Variants in MIOS observed in about 807,000 individuals in gnomAD.
MIOS encodes meiosis regulator for oocyte development, also known as GATOR2 complex protein MIOS.
MIOS carries 52 observed loss-of-function variants against 96.9 expected under a neutral mutation model. The ratio of observed to expected loss-of-function variants is 0.54; its 90% CI spans 0.43 to 0.68. The LOEUF (loss-of-function observed/expected upper bound fraction) is 0.68, where lower values mean the gene tolerates loss of function less well. Ranked by LOEUF, MIOS falls within the 30% of genes least tolerant of loss-of-function variation. MIOS has a pLI of 0.00. For missense variants in MIOS, 1,005 were observed against 1,052.8 expected, an observed-to-expected ratio of 0.95 and a Z score of 0.63; for synonymous variants, 397 against 359.5, an observed-to-expected ratio of 1.10 and a Z score of -1.18.
Position 7,606,066 on chromosome 7 carries a change from G to A in MIOS, c.2526G>A (p.Trp842Ter). Reference protein sequence around the residue: ...HGGHAGHMLSWFRDHAECPVS... With the variant: ...HGGHAGHMLS ...GACATGCTGGACATATGCTTAGTTG[G>A]TTCAGGTAATCAGCACATTTCTTCT... The change falls in exon 12 of 13, where the codon TGG becomes TGA. Residue 842 changes from tryptophan (W) to a stop codon, truncating the protein, a stop_gained. Transcript: ENST00000340080. LOFTEE classifies it high-confidence loss of function. The A allele has an allele frequency of 6.2e-7, 1 of 1,613,546 alleles. No homozygotes were observed. The highest frequency in any genetic ancestry group is 1.1e-5 in the South Asian group (1 of 91,018).
At chr7:7,581,817 CTG>C (rs1220985827) in intron 5 of MIOS, 3 of 152,222 alleles carry the variant, frequency 2.0e-5, no homozygotes, top group African/African-American at 7.2e-5. Flanking sequence ...TACCTCGAGA[CTG>C]TCTTTCAAAG....
intron 5 of MIOS, among the ~76,000 whole-genome samples, chr7:7,575,182 A>C (rs1478394884): frequency 1.3e-5 from 2 of 152,152 alleles, no homozygotes; most frequent in East Asian, 3.8e-4. Context: ...ATTTAGTCAA[A>C]GAGCAGTAAT....
intron 12 of MIOS, 72 bp from the exon 13 acceptor site, chr7:7,606,924 A>T (rs1184207840): frequency 2.0e-5 from 25 of 1,228,876 alleles, no homozygotes; most frequent in Admixed American, 4.1e-5. Flanking sequence ...TGTCTCTTAA[A>T]AAATAAATAA....
chr7:7,607,940 T>A lies in MIOS; in HGVS notation c.*848T>A, dbSNP rs1365614959. 6.6e-6 allele frequency: 1 copy of A among 152,184 alleles called. No homozygotes were observed. Among genetic ancestry groups the A allele is most frequent in the Non-Finnish European group, 1.5e-5 (1 of 68,026 alleles). 9.4% of individuals were successfully genotyped at this position (152,184 alleles called of 1,614,324 possible). ...TCCTCATCACCTGAGAACATTTTACTGCATACAAAGTCTATGCAAGATTAT... is the reference window on the plus strand; with the variant it reads ...TCCTCATCACCTGAGAACATTTTACAGCATACAAAGTCTATGCAAGATTAT... On this transcript the variant is annotated 3_prime_UTR_variant, in exon 13 of 13. Transcript: ENST00000340080.
rs775304759 is a variant in MIOS, at chr7:7,606,005, A to G, written c.2465A>G (p.Asn822Ser). Residue 822 changes from asparagine (N) to serine (S), a missense_variant, in exon 12 of 13, where the codon AAC (asparagine) becomes AGC (serine). By Grantham distance (46) the Asn-to-Ser change is conservative. Around this residue, in one of 3 missense-constraint regions of MIOS, gnomAD observed 865 missense variants for 887.9 expected, o/e 0.97. Transcript: ENST00000340080. ...GACAAAAAATTAGCCCAATTTAACA[A>G]CTGGTTTACATGGTGTCATAATTGC... is the stretch of plus-strand genomic sequence containing the variant. The part of the protein sequence containing the change: ...SKDKKLAQFN[N>S]WFTWCHNCRH... The G allele has an allele frequency of 2.0e-5, 33 of 1,613,944 alleles. No individual in the cohort carries two copies. In the East Asian group the frequency reaches 5.1e-4, roughly 25 times the overall value.
chr7:7,577,219 A>C (rs1783563957), intron 5 of MIOS, among the ~76,000 whole-genome samples: 1 of 152,316 alleles, frequency 6.6e-6, no homozygotes, highest in Middle Eastern at 3.4e-3. Flanking sequence ...GTACCAACCT[A>C]GTATACATTC....
chr7:7,586,154 ACG>A, intron 7 of MIOS, among the ~76,000 whole-genome samples: 1 of 80,264 alleles, frequency 1.2e-5, no homozygotes. Context: ...GCACACATGC[ACG>A]TGTGTGTGTG....
At chr7:7,589,230 A>G (rs916378346) in intron 8 of MIOS, among the ~76,000 whole-genome samples, 175 bp from the exon 9 acceptor site, 3 of 152,174 alleles carry the variant, frequency 2.0e-5, no homozygotes, top group Non-Finnish European at 2.9e-5. Flanking sequence ...GATTATGGAT[A>G]TTGCTTTGAA....
chr7:7,600,231 C>T (rs1368737862), intron 11 of MIOS, among the ~76,000 whole-genome samples: 1 of 151,282 alleles, frequency 6.6e-6, no homozygotes, highest in East Asian at 1.9e-4. Flanking sequence ...TCAGAAAAGT[C>T]CATTTCCAAA....
intron 11 of MIOS, among the ~76,000 whole-genome samples, chr7:7,599,347 T>G (rs9640045): frequency 3.9e-5 from 6 of 152,130 alleles, no homozygotes; most frequent in African/African-American, 1.4e-4. Context: ...TGCTACTTTT[T>G]TCTAAAATCC....
In MIOS at chr7:7,572,964, T is replaced by G. The variant is rs754091305; in HGVS notation, c.489T>G (p.Leu163=). The G allele has an allele frequency of 7.2e-5, 116 of 1,614,004 alleles. 1 individual carries two copies. Among genetic ancestry groups the G allele is most frequent in the Non-Finnish European group, 9.6e-5 (113 of 1,180,010 alleles). The part of the protein sequence containing the change: ...PDIVPMEKVK[L]SAGETETTLL... ...TAGTTCCCATGGAAAAAGTGAAACT[T>G]TCAGCAGGTGAAACTGAAACAACAT... Residue 163 remains leucine, a synonymous_variant, in exon 4 of 13, where the codon CTT becomes CTG. Transcript: ENST00000340080. The surrounding 1 kb of genome is among the most constrained non-coding windows in gnomAD (Gnocchi z 4.8).
chr7:7,602,500 A>G (rs569853978), intron 11 of MIOS, among the ~76,000 whole-genome samples: 2 of 152,288 alleles, frequency 1.3e-5, no homozygotes, highest in East Asian at 3.9e-4. Flanking sequence ...TAAAATACCT[A>G]GGAATCCAAC....
intron 11 of MIOS, among the ~76,000 whole-genome samples, chr7:7,602,006 T>C (rs1784393338): frequency 1.3e-5 from 2 of 152,164 alleles, no homozygotes; most frequent in South Asian, 4.1e-4. Flanking sequence ...GAAAAGGCCT[T>C]TGACAAAATT....
At chr7:7,574,851 A>G (rs965451918) in intron 5 of MIOS, among the ~76,000 whole-genome samples, 1 of 151,974 alleles carries the variant, frequency 6.6e-6, no homozygotes, top group South Asian at 2.1e-4. Context: ...ATAATGGGTT[A>G]TATTAGAATT....
chr7:7,588,140 C>G (rs1303370057), intron 7 of MIOS, among the ~76,000 whole-genome samples: 1 of 152,064 alleles, frequency 6.6e-6, no homozygotes, highest in Non-Finnish European at 1.5e-5. Flanking sequence ...TTCCTTAGTT[C>G]TCTAAAATTA....
At chr7:7,576,369 T>G (rs1735348949) in intron 5 of MIOS, among the ~76,000 whole-genome samples, 1 of 152,110 alleles carries the variant, frequency 6.6e-6, no homozygotes, top group African/African-American at 2.4e-5. Context: ...ATATTCTAGT[T>G]TAGAATATAG....
At chr7:7,585,048 A>C (rs1295163565) in intron 6 of MIOS, among the ~76,000 whole-genome samples, 1 of 152,162 alleles carries the variant, frequency 6.6e-6, no homozygotes, top group African/African-American at 2.4e-5. Context: ...ACTTATATAC[A>C]TAAGTGTCTG....
chr7:7,589,780 C>G (rs17464497), intron 9 of MIOS, among the ~76,000 whole-genome samples: 1 of 152,072 alleles, frequency 6.6e-6, no homozygotes, highest in Non-Finnish European at 1.5e-5. Context: ...CTGAGAAGGG[C>G]CAGTCTTGAC....
chr7:7,588,202 T>C (rs1783946633), intron 7 of MIOS, among the ~76,000 whole-genome samples: 1 of 152,168 alleles, frequency 6.6e-6, no homozygotes, highest in African/African-American at 2.4e-5. Context: ...ATACTGTGCA[T>C]CATTGCTTAT....
Sources: allele counts gnomAD v4.1 joint callset (sites outside exome capture counted in the v4.1 genomes callset), GRCh38; gene constraint gnomAD v4.1.1; regional missense constraint gnomAD v4.1.1; non-coding constraint Gnocchi (gnomAD v3.1); transcripts MANE v1.5; gene names NCBI Gene and HGNC (gene_info 2026-07-23, HGNC 2026-07-21).